SPAG16: variants seen among roughly 807,000 people sequenced by gnomAD.
The protein encoded by SPAG16 is sperm-associated antigen 16 protein.
A neutral mutation model predicts 80.4 loss-of-function variants in SPAG16; 86 were observed. That is an observed-to-expected ratio of 1.07 (90% confidence interval 0.90 to 1.28). SPAG16 has a LOEUF of 1.28. SPAG16 is among the 50% of genes most tolerant of loss of function. SPAG16 has a pLI of 0.00. For synonymous variants in SPAG16, 294 were observed against 265.9 expected (o/e 1.11, Z -1.03); for missense variants, 870 against 765.3 (o/e 1.14, Z -1.61).
chr2:214,231,960 G>A (rs1559143746), intron 15 of SPAG16, among the ~76,000 whole-genome samples: 2 of 151,930 alleles, frequency 1.3e-5, no homozygotes, highest in Admixed American at 6.6e-5. Flanking sequence ...TTTAATTATT[G>A]TATAACCACT....
intron 10 of SPAG16, among the ~76,000 whole-genome samples, chr2:213,623,337 T>C (rs1252784805): frequency 2.6e-5 from 4 of 152,174 alleles, no homozygotes; most frequent in Non-Finnish European, 5.9e-5. Flanking sequence ...ATTATGTTTT[T>C]TTCCTGAACT....
At chr2:214,176,128 G>T (rs934272656) in intron 15 of SPAG16, among the ~76,000 whole-genome samples, 1 of 151,214 alleles carries the variant, frequency 6.6e-6, no homozygotes, top group South Asian at 2.1e-4. Flanking sequence ...TTAAATACAG[G>T]TTTATTAAAG....
intron 10 of SPAG16, among the ~76,000 whole-genome samples, chr2:213,547,900 G>T (rs1559242771): frequency 6.6e-6 from 1 of 152,040 alleles, no homozygotes; most frequent in Non-Finnish European, 1.5e-5. Flanking sequence ...TTCTAAATTG[G>T]CATAGAAAGA....
At chr2:214,333,592 T>A (rs1010750740) in intron 15 of SPAG16, among the ~76,000 whole-genome samples, 1 of 152,184 alleles carries the variant, frequency 6.6e-6, no homozygotes, top group Non-Finnish European at 1.5e-5. Context: ...CACCGGAACA[T>A]TTCTCAACAC....
intron 10 of SPAG16, among the ~76,000 whole-genome samples, chr2:213,723,094 T>G (rs938238640): frequency 6.6e-6 from 1 of 152,174 alleles, no homozygotes; most frequent in Non-Finnish European, 1.5e-5. Context: ...GTAACACTCC[T>G]GGCCTTTCCT....
At chr2:214,296,726 A>G (rs905033527) in intron 15 of SPAG16, among the ~76,000 whole-genome samples, 2 of 152,070 alleles carry the variant, frequency 1.3e-5, no homozygotes, top group African/African-American at 4.8e-5. Flanking sequence ...GCCCACTGAT[A>G]ATAGTTTGGA....
chr2:213,507,870 T>C lies in SPAG16; in HGVS notation c.1070+17780T>C, dbSNP rs2075031181. On this transcript the variant is annotated intron_variant, in intron 10 of 15. Transcript: ENST00000331683. ...CTGATCACTCTCTATTATCCCTTCA[T>C]TTTCCTCTAAGTAAACAATCATTAA... 2.6e-5 allele frequency among the ~76,000 whole-genome samples: 4 copies of C among 152,228 alleles called. No individual in the cohort carries two copies. The South Asian group carries it at 8.3e-4, about 32-fold the overall frequency.
intron 12 of SPAG16, among the ~76,000 whole-genome samples, chr2:213,941,681 C>T (rs1207523664): frequency 6.6e-6 from 1 of 152,174 alleles, no homozygotes; most frequent in East Asian, 1.9e-4. Flanking sequence ...TACTTCCTCT[C>T]TCCTCCCACA....
chr2:214,222,110 CTTTTTTTTTTTTT>C (rs10694178), intron 15 of SPAG16, among the ~76,000 whole-genome samples: 1 of 103,628 alleles, frequency 9.6e-6, no homozygotes, highest in African/African-American at 3.5e-5. Context: ...CCTTGCTATT[CTTTTTTTTTTTTT>C]TTTTTTTTTT....
intron 15 of SPAG16, among the ~76,000 whole-genome samples, chr2:214,211,596 T>C (rs2058295486): frequency 6.6e-6 from 1 of 152,194 alleles, no homozygotes; most frequent in Non-Finnish European, 1.5e-5. Context: ...CTTCAGCACT[T>C]CTTCACTGCC....
At chr2:214,003,628 G>C (rs1322170775) in intron 12 of SPAG16, among the ~76,000 whole-genome samples, 2 of 152,190 alleles carry the variant, frequency 1.3e-5, no homozygotes, top group Non-Finnish European at 2.9e-5. Flanking sequence ...CACTGAATTA[G>C]TAAATACTGG....
chr2:213,728,812 G>A (rs1186981461), intron 10 of SPAG16, among the ~76,000 whole-genome samples: 1 of 144,852 alleles, frequency 6.9e-6, no homozygotes, highest in Non-Finnish European at 1.5e-5. Flanking sequence ...GGGAGGCAGA[G>A]CTTGCGGTGA....
At chr2:214,297,964 C>G (rs1056603089) in intron 15 of SPAG16, among the ~76,000 whole-genome samples, 18 of 150,864 alleles carry the variant, frequency 1.2e-4, no homozygotes, top group African/African-American at 3.9e-4. Flanking sequence ...GTTTTCAGTT[C>G]CAAAAGCATG....
intron 13 of SPAG16, among the ~76,000 whole-genome samples, chr2:214,061,044 C>A (rs1030281995): frequency 6.6e-6 from 1 of 152,122 alleles, no homozygotes; most frequent in Non-Finnish European, 1.5e-5. Flanking sequence ...ATGGCAGACT[C>A]TCTAAGAGGA....
intron 10 of SPAG16, among the ~76,000 whole-genome samples, chr2:213,491,660 G>A (rs987340486): frequency 3.9e-5 from 6 of 152,178 alleles, no homozygotes; most frequent in Non-Finnish European, 7.3e-5. Flanking sequence ...AATGGAACGT[G>A]TTAGTCAATA....
intron 15 of SPAG16, among the ~76,000 whole-genome samples, chr2:214,176,818 G>C (rs1022643445): frequency 1.3e-5 from 2 of 150,768 alleles, no homozygotes. Flanking sequence ...ATGTGTGTGT[G>C]TGTGTGTTTT....
chr2:213,416,964 A>T (rs776204186), intron 9 of SPAG16, among the ~76,000 whole-genome samples: 4 of 152,174 alleles, frequency 2.6e-5, no homozygotes, highest in Admixed American at 6.5e-5. Context: ...GGCTAGTTTG[A>T]ATAATTTCAG....
At chr2:214,135,022 T>A (rs965376808) in intron 14 of SPAG16, among the ~76,000 whole-genome samples, 1 of 152,200 alleles carries the variant, frequency 6.6e-6, no homozygotes, top group Non-Finnish European at 1.5e-5. Flanking sequence ...ATCTAAAACA[T>A]TACATTTCCA....
intron 11 of SPAG16, among the ~76,000 whole-genome samples, chr2:213,897,198 T>C (rs1315070303): frequency 6.6e-6 from 1 of 152,182 alleles, no homozygotes; most frequent in African/African-American, 2.4e-5. Flanking sequence ...TATGTACATA[T>C]GTTATGCATC....
Sources: gnomAD v4.1 joint callset for allele counts (sites outside exome capture counted in the v4.1 genomes callset) on GRCh38, gnomAD v4.1.1 for gene constraint, MANE v1.5 for transcripts, NCBI Gene and HGNC (gene_info 2026-07-23, HGNC 2026-07-21) for gene names.